PKN3: variants seen among roughly 807,000 people sequenced by gnomAD.
PKN3 encodes the protein serine/threonine-protein kinase N3.
Under a neutral mutation model 113.1 loss-of-function variants are expected in PKN3, and 91 were observed. That is an observed-to-expected ratio of 0.80 (90% CI 0.68 to 0.96). The LOEUF is 0.96. Among genes scored for constraint, PKN3 ranks in the 40% least tolerant of loss-of-function variants. The probability of loss-of-function intolerance (pLI) is 0.00; values close to 1 mark genes in which losing one functional copy is unlikely to be tolerated. For synonymous variants in PKN3, 467 were observed against 499.0 expected (o/e 0.94, Z 0.85); for missense variants, 1,052 against 1,202.2 (o/e 0.88, Z 1.85).
chr9:128,709,094 G>A (rs1862104432), intron 6 of PKN3, among the ~76,000 whole-genome samples: 1 of 151,406 alleles, frequency 6.6e-6, no homozygotes, highest in Non-Finnish European at 1.5e-5. Flanking sequence ...GACCATCCTG[G>A]CTAACACGGT....
chr9:128,706,780 G>A lies in PKN3; in HGVS notation c.479G>A (p.Arg160Gln), dbSNP rs571277935. ...AGCCAGCTGAAGGTGGCCCTGCTGC[G>A]GATGAAGATCAGCAGCCTGGAGGCC... ...RDSQLKVALL[R>Q]MKISSLEASG... The change falls in exon 4 of 22, where the codon CGG becomes CAG. Residue 160 changes from arginine to glutamine, a missense_variant. This residue lies in a region of PKN3 where 719 missense variants were observed against 759.4 expected (regional missense o/e 0.95). Transcript: ENST00000291906. The A allele has an allele frequency of 8.7e-6, 14 of 1,610,336 alleles. No individual in the cohort carries two copies. Among genetic ancestry groups the A allele is most frequent in the African/African-American group, 4.0e-5 (3 of 75,032 alleles).
At position 128,714,588 on chromosome 9, in the gene PKN3, T is replaced by C; in HGVS notation, c.1508T>C (p.Leu503Ser). The change falls in exon 12 of 22, where the codon TTG becomes TCG. Residue 503 changes from leucine (L) to serine (S), a missense_variant. Transcript: ENST00000291906. The stretch of plus-strand genomic sequence containing the variant: ...AATTTCCTGCCCAAGAAGACCCCCT[T>C]GGGTGAAGAGATGACACCCCCACCC... ...PSNFLPKKTP[L>S]GEEMTPPPKP... is the part of the protein sequence containing the mutation. 7.7e-7 allele frequency: 1 copy of C among 1,304,534 alleles called. No individual in the cohort carries two copies. Among genetic ancestry groups the C allele is most frequent in the Non-Finnish European group, 1.1e-6 (1 of 897,198 alleles). 80.8% of individuals were successfully genotyped at this position (1,304,534 alleles called of 1,614,324 possible).
chr9:128,714,760 G>A, intron 12 of PKN3, 38 bp from the exon 13 acceptor site: 2 of 1,596,280 alleles, frequency 1.3e-6, no homozygotes, highest in Non-Finnish European at 1.7e-6. Context: ...AAGAGAGAAG[G>A]AAGCCCAGCC....
In PKN3 at chr9:128,705,377, C is replaced by G. The variant is rs1861978805; in HGVS notation, c.99C>G (p.Ile33Met). ...GGGCCATCCAGAAAGAGCTGAAGAT[C>G]AAGGAGGGGGTGGAGAACCTGCGGC... ...IRRAIQKELK[I>M]KEGVENLRRV... Residue 33 changes from isoleucine (I) to methionine (M), a missense_variant, in exon 2 of 22, where the codon ATC (isoleucine) becomes ATG (methionine). Around this residue, in one of 2 missense-constraint regions of PKN3, gnomAD observed 719 missense variants for 759.4 expected, o/e 0.95. Coordinates refer to ENST00000291906, the MANE Select transcript of PKN3 (RefSeq NM_013355.5). 6.3e-7 allele frequency: 1 copy of G among 1,596,800 alleles called. No homozygotes were observed. Among genetic ancestry groups the G allele is most frequent in the Non-Finnish European group, 8.5e-7 (1 of 1,172,414 alleles).
intron 6 of PKN3, among the ~76,000 whole-genome samples, chr9:128,709,627 C>G (rs1862121273): frequency 6.6e-6 from 1 of 151,636 alleles, no homozygotes; most frequent in Admixed American, 6.6e-5. Context: ...TGGTGCATGC[C>G]TATAATCCCA....
Position 128,702,724 on chromosome 9 carries a change from G to T in PKN3, c.-192G>T. ...CGCGGGACCTCGGGCGTGGGGTCCCGGGCGCTGGATCGGCGCGGACGGGAG... is the reference window on the plus strand; with the variant it reads ...CGCGGGACCTCGGGCGTGGGGTCCCTGGCGCTGGATCGGCGCGGACGGGAG... On this transcript the variant is annotated 5_prime_UTR_variant, in exon 1 of 22. Transcript: ENST00000291906. 1 of 502,148 alleles carries T rather than the reference G, an allele frequency of 2.0e-6. No homozygotes were observed. Among genetic ancestry groups the T allele is most frequent in the Non-Finnish European group, 3.5e-6 (1 of 289,658 alleles). 31.1% of individuals were successfully genotyped at this position (502,148 alleles called of 1,614,324 possible).
At chr9:128,718,679 C>T in intron 18 of PKN3, 54 bp downstream of exon 18, 1 of 1,513,076 alleles carries the variant, frequency 6.6e-7, no homozygotes. Flanking sequence ...CCACCCTGGC[C>T]AATAGGATGA....
At chr9:128,704,950 G>T (rs1432643406) in intron 1 of PKN3, among the ~76,000 whole-genome samples, 1 of 151,628 alleles carries the variant, frequency 6.6e-6, no homozygotes, top group Non-Finnish European at 1.5e-5. Context: ...AAAGAAAAAA[G>T]AAAATGGGGG....
rs1862233474 is a variant in PKN3, at chr9:128,713,264, C to T, written c.983-14C>T. ...GCTTCAGGCCTGCCCTGAGTCCCGG[C>T]TCTGGCCCTGCAGGCGAGGTGCTGG... On this transcript the variant is annotated splice_polypyrimidine_tract_variant and intron_variant, in intron 7 of 21. Coordinates refer to ENST00000291906, the MANE Select transcript of PKN3 (RefSeq NM_013355.5). 6.2e-7 allele frequency: 1 copy of T among 1,613,416 alleles called. No homozygotes were observed. The highest frequency in any genetic ancestry group is 2.2e-5 in the East Asian group (1 of 44,868).
chr9:128,709,944 A>G (rs1368993195), intron 6 of PKN3: 1 of 146,474 alleles, frequency 6.8e-6, no homozygotes, highest in Non-Finnish European at 1.5e-5. Context: ...CTCCGAGCAG[A>G]GTGAGACTCT....
At chr9:128,703,959 G>A in intron 1 of PKN3, 1 of 985,474 alleles carries the variant, frequency 1.0e-6, no homozygotes. Context: ...GTTTGCTCCG[G>A]TCTTTGGCTC....
At chr9:128,708,213 T>C (rs1320483277) in intron 6 of PKN3, among the ~76,000 whole-genome samples, 1 of 151,766 alleles carries the variant, frequency 6.6e-6, no homozygotes, top group Admixed American at 6.6e-5. Context: ...AAATCCTGTC[T>C]CTACTAAAAA....
At chr9:128,706,636 C>A in intron 3 of PKN3, 77 bp from the exon 4 acceptor site, 1 of 1,116,712 alleles carries the variant, frequency 9.0e-7, no homozygotes, top group Non-Finnish European at 1.2e-6. Context: ...TGGGGGAGAC[C>A]CGGCTCCAGT....
In PKN3 at chr9:128,718,351, G is replaced by C. The variant is rs766861864; in HGVS notation, c.2012G>C (p.Gly671Ala). 3 of 1,613,938 alleles carry C rather than the reference G, an allele frequency of 1.9e-6. No homozygotes were observed. The South Asian group carries it at 3.3e-5, about 18-fold the overall frequency. Reference protein sequence around the residue: ...ARFYVACVVLGLQFLHEKKII... With the variant: ...ARFYVACVVLALQFLHEKKII... ...TTCTACGTGGCTTGTGTTGTCCTGG[G>C]GCTGCAGTTCTTACACGAGAAGAAG... Residue 671 changes from glycine to alanine, a missense_variant, in exon 17 of 22, where the codon GGG (glycine) becomes GCG (alanine). Gly to Ala is a moderately conservative substitution (Grantham distance 60, BLOSUM62 0). This residue lies in a region of PKN3 where 333 missense variants were observed against 442.8 expected (regional missense o/e 0.75). Transcript: ENST00000291906.
Position 128,714,456 on chromosome 9 carries a change from GCTCAGCC to G in PKN3, c.1481+93_1482-98del. Reference sequence around the variant, plus strand: ...CGGTATCTGTCTGTCTGTCTGCATTGCTCAGCCCGCTAACCCTCTGTCCATCTCACTT... The same window carrying G: ...CGGTATCTGTCTGTCTGTCTGCATTGCGCTAACCCTCTGTCCATCTCACTT... On this transcript the variant is annotated intron_variant, in intron 11 of 21. Transcript: ENST00000291906. 4.2e-6 allele frequency: 5 copies of G among 1,200,188 alleles called. No individual in the cohort carries two copies. The South Asian group carries it at 4.9e-5, about 12-fold the overall frequency. 74.3% of individuals were successfully genotyped at this position (1,200,188 alleles called of 1,614,324 possible).
Position 128,704,093 on chromosome 9 carries a change from C to T in PKN3, c.24+1154C>T, listed in dbSNP as rs1861938138. ...GTCCCTGAGTCTGGGGTTGCGGCCCCTTCCACTGGGCTCAGGAGAAGATGG... is the reference window on the plus strand; with the variant it reads ...GTCCCTGAGTCTGGGGTTGCGGCCCTTTCCACTGGGCTCAGGAGAAGATGG... On this transcript the variant is annotated intron_variant, in intron 1 of 21. Coordinates refer to ENST00000291906, the MANE Select transcript of PKN3 (RefSeq NM_013355.5). 4.1e-6 allele frequency: 4 copies of T among 985,324 alleles called. No individual in the cohort carries two copies. The African/African-American group carries it at 7.0e-5, about 17-fold the overall frequency. The allele number at this position is 985,324 out of a possible 1,614,324, so 61.0% of individuals were successfully genotyped here.
At position 128,705,403 on chromosome 9, in the gene PKN3, G is replaced by T; in HGVS notation, c.125G>T (p.Arg42Leu). Residue 42 changes from arginine (R) to leucine (L), a missense_variant, in exon 2 of 22, where the codon CGC becomes CTC. Arg to Leu is a moderately radical substitution (Grantham distance 102, BLOSUM62 -2). This residue lies in a region of PKN3 where 719 missense variants were observed against 759.4 expected (regional missense o/e 0.95). Transcript: ENST00000291906. ...KIKEGVENLRRVATDRRHLGH... is the reference protein window; with the variant it reads ...KIKEGVENLRLVATDRRHLGH... ...AAGGAGGGGGTGGAGAACCTGCGGC[G>T]CGTGGCCACAGACCGCCGCCACTTG... The T allele has an allele frequency of 1.3e-6, 2 of 1,597,260 alleles. No homozygotes were observed. Among genetic ancestry groups the T allele is most frequent in the African/African-American group, 1.3e-5 (1 of 74,734 alleles).
chr9:128,717,113 GTTTCTTTT>G (rs1862362517), intron 16 of PKN3, among the ~76,000 whole-genome samples, 190 bp downstream of exon 16: 1 of 14,446 alleles, frequency 6.9e-5, no homozygotes, highest in East Asian at 2.1e-3. Flanking sequence ...TGTGCATTAG[GTTTCTTTT>G]TTTTTTTTTT....
rs1010825386 is a variant in PKN3 at position 128,720,825 on chromosome 9, C to A, written c.*219C>A. The A allele has an allele frequency of 4.8e-5, 29 of 599,412 alleles. No homozygotes were observed. The East Asian group carries it at 7.2e-4, about 15-fold the overall frequency. 37.1% of individuals were successfully genotyped at this position (599,412 alleles called of 1,614,324 possible). A position where few individuals can be genotyped will look rare whatever the true frequency, so the allele number is the denominator to read the frequency against. On this transcript the variant is annotated 3_prime_UTR_variant, in exon 22 of 22. Transcript: ENST00000291906. This position sits in a 1 kb window ranked among gnomAD's most constrained non-coding sequence, Gnocchi z 5.5. ...CAGCTCGCCCTCTTCTACCTCCCAG[C>A]GAGACCTGGCCCAGAAAGGGTGCCG... is the stretch of plus-strand genomic sequence containing the variant.
Sources: allele counts gnomAD v4.1 joint callset (sites outside exome capture counted in the v4.1 genomes callset), GRCh38; gene constraint gnomAD v4.1.1; regional missense constraint gnomAD v4.1.1; non-coding constraint Gnocchi (gnomAD v3.1); transcripts MANE v1.5; gene names NCBI Gene and HGNC (gene_info 2026-07-23, HGNC 2026-07-21).